Variants in DOCK3 observed in about 807,000 individuals in gnomAD.
DOCK3 encodes the protein dedicator of cytokinesis protein 3.
A neutral mutation model predicts 265.6 loss-of-function variants in DOCK3; 60 were observed. The observed-to-expected ratio is 0.23, with a 90% CI of 0.18 to 0.28. The LOEUF (loss-of-function observed/expected upper bound fraction) is 0.28. Ranked by LOEUF, DOCK3 falls within the 10% of genes least tolerant of loss-of-function variation. DOCK3 has a pLI of 1.00. For missense variants in DOCK3, 1,981 were observed against 2,594.3 expected (o/e 0.76, Z 5.14); for synonymous variants, 881 against 938.0 (o/e 0.94, Z 1.11).
chr3:50,787,887 G>A (rs2042269256), intron 2 of DOCK3: 5 of 1,064,892 alleles, frequency 4.7e-6, no homozygotes, highest in Admixed American at 1.8e-5. Context: ...TCCCCTTTAG[G>A]TACATTTAAT....
At position 50,778,020 on chromosome 3, in the gene DOCK3, C is replaced by T. The variant is rs373142722; in HGVS notation, c.38-655C>T. Among the ~76,000 whole-genome samples, 7 of 152,108 alleles carry T rather than the reference C, an allele frequency of 4.6e-5. No homozygotes were observed. In the South Asian group the frequency reaches 1.5e-3, roughly 32 times the overall value. On this transcript the variant is annotated intron_variant, in intron 1 of 52. Coordinates refer to ENST00000266037, the MANE Select transcript of DOCK3 (RefSeq NM_004947.5). ...CAGGGGGAATGCTTTCAACTTTTCC[C>T]CATTCAGTGTGATTTGACTGTGGGT...
At chr3:51,163,782 T>G (rs989801839) in intron 12 of DOCK3, among the ~76,000 whole-genome samples, 1 of 152,192 alleles carries the variant, frequency 6.6e-6, no homozygotes, top group Non-Finnish European at 1.5e-5. Flanking sequence ...AATATTAAAT[T>G]TTTAATTTGG....
chr3:50,757,163 C>CTTTTT (rs34435343), intron 1 of DOCK3, among the ~76,000 whole-genome samples: 18 of 81,622 alleles, frequency 2.2e-4, no homozygotes, highest in Non-Finnish European at 2.5e-4. Context: ...AGATTGTCGT[C>CTTTTT]TTTTTTTTTT....
At chr3:51,203,601 A>G (rs527912505) in intron 12 of DOCK3, among the ~76,000 whole-genome samples, 134 of 152,334 alleles carry the variant, frequency 8.8e-4, no homozygotes, top group African/African-American at 3.1e-3. Flanking sequence ...AAGGTAATTT[A>G]TAGATTCAAT....
At chr3:51,110,146 C>G (rs533318599) in intron 9 of DOCK3, among the ~76,000 whole-genome samples, 2 of 152,108 alleles carry the variant, frequency 1.3e-5, no homozygotes, top group South Asian at 4.2e-4. Context: ...AAATGACAAA[C>G]TCCAAAACTG....
chr3:51,290,351 A>T (rs2081663635), intron 27 of DOCK3, among the ~76,000 whole-genome samples: 1 of 152,146 alleles, frequency 6.6e-6, no homozygotes, highest in African/African-American at 2.4e-5. Context: ...AATACTATGC[A>T]GCCATAAAAA....
intron 21 of DOCK3, among the ~76,000 whole-genome samples, chr3:51,239,524 AC>A (rs2078503325): frequency 6.7e-6 from 1 of 149,416 alleles, no homozygotes; most frequent in Non-Finnish European, 1.5e-5. Flanking sequence ...TGCATTTGGT[AC>A]AATTTGGCTG....
At chr3:51,033,607 G>A (rs1032507736) in intron 5 of DOCK3, among the ~76,000 whole-genome samples, 7 of 152,204 alleles carry the variant, frequency 4.6e-5, no homozygotes, top group African/African-American at 7.2e-5. Flanking sequence ...AGTTTTGACA[G>A]ACATTGAGTG....
intron 9 of DOCK3, among the ~76,000 whole-genome samples, chr3:51,099,249 C>T (rs542257294): frequency 5.0e-4 from 76 of 152,312 alleles, no homozygotes; most frequent in South Asian, 3.9e-3. Context: ...GAGATAGACA[C>T]AGTGAAACTT....
intron 27 of DOCK3, among the ~76,000 whole-genome samples, chr3:51,308,198 C>T (rs1213695265): frequency 6.6e-6 from 1 of 151,094 alleles, no homozygotes; most frequent in Non-Finnish European, 1.5e-5. Flanking sequence ...CAACAAAACT[C>T]ATTGTTATTA....
At chr3:51,151,838 C>T (rs927221487) in intron 10 of DOCK3, among the ~76,000 whole-genome samples, 1 of 152,156 alleles carries the variant, frequency 6.6e-6, no homozygotes. Context: ...CTGTCTTCTG[C>T]TTATAGAGTT....
chr3:51,237,418 ACT>A (rs1459458952), intron 20 of DOCK3, 70 bp from the exon 21 acceptor site: 33 of 1,270,578 alleles, frequency 2.6e-5, no homozygotes, highest in South Asian at 7.8e-5. Flanking sequence ...GAGAAGGAAG[ACT>A]CTGTTTCCTG....
At chr3:50,836,561 A>C (rs1559704008) in intron 2 of DOCK3, among the ~76,000 whole-genome samples, 1 of 152,192 alleles carries the variant, frequency 6.6e-6, no homozygotes, top group East Asian at 1.9e-4. Context: ...TGCACACAGC[A>C]GTGGGGCCCT....
intron 22 of DOCK3, among the ~76,000 whole-genome samples, chr3:51,252,245 T>A (rs568991062): frequency 6.6e-6 from 1 of 152,260 alleles, no homozygotes; most frequent in Admixed American, 6.5e-5. Context: ...ACCAGTACCA[T>A]GCTGTTTTGG....
intron 5 of DOCK3, among the ~76,000 whole-genome samples, chr3:50,999,149 C>T (rs774268962): frequency 3.9e-5 from 6 of 152,196 alleles, no homozygotes; most frequent in Non-Finnish European, 7.3e-5. Context: ...AATAATGCCA[C>T]AAATGCATAT....
At chr3:51,082,930 G>A (rs886469155) in intron 7 of DOCK3, among the ~76,000 whole-genome samples, 4 of 152,130 alleles carry the variant, frequency 2.6e-5, no homozygotes, top group African/African-American at 9.7e-5. Context: ...GGACCTGAGA[G>A]GTGGCACACC....
At chr3:50,862,567 G>A (rs138701138) in intron 3 of DOCK3, among the ~76,000 whole-genome samples, 3 of 152,266 alleles carry the variant, frequency 2.0e-5, no homozygotes, top group African/African-American at 7.2e-5. Flanking sequence ...TTGTTCAGTG[G>A]GAATGCAGTC....
intron 9 of DOCK3, among the ~76,000 whole-genome samples, chr3:51,106,267 C>G (rs1329576770): frequency 6.6e-6 from 1 of 152,216 alleles, no homozygotes; most frequent in African/African-American, 2.4e-5. Context: ...TGCATCAGTG[C>G]AGCCCTCAGG....
At chr3:51,348,978 A>G in intron 39 of DOCK3, 40 bp downstream of exon 39, 1 of 1,294,266 alleles carries the variant, frequency 7.7e-7, no homozygotes, top group Non-Finnish European at 1.0e-6. Flanking sequence ...CCTGACTGGC[A>G]TCAGTTTCTA....
Sources: gnomAD v4.1 joint callset for allele counts (sites outside exome capture counted in the v4.1 genomes callset) on GRCh38, gnomAD v4.1.1 for gene constraint, MANE v1.5 for transcripts, NCBI Gene and HGNC (gene_info 2026-07-23, HGNC 2026-07-21) for gene names.